TMEM63A: variants seen among roughly 807,000 people sequenced by gnomAD.
The protein encoded by TMEM63A is transmembrane protein 63A, also known as mechanosensitive cation channel TMEM63A.
A neutral mutation model predicts 100.6 loss-of-function variants in TMEM63A; 76 were observed. The ratio of observed to expected loss-of-function variants is 0.76; its 90% confidence interval spans 0.63 to 0.91. The LOEUF (loss-of-function observed/expected upper bound fraction) is 0.91, where lower values mean the gene tolerates loss of function less well. Ranked by LOEUF, TMEM63A falls within the 40% of genes least tolerant of loss-of-function variation. TMEM63A has a pLI of 0.00. For synonymous variants in TMEM63A, 401 were observed against 401.1 expected (o/e 1.00, Z 0.00); for missense variants, 876 against 1,008.8 (o/e 0.87, Z 1.78).
intron 20 of TMEM63A, among the ~76,000 whole-genome samples, chr1:225,851,691 A>G (rs1265724524): frequency 6.6e-6 from 1 of 152,202 alleles, no homozygotes; most frequent in Non-Finnish European, 1.5e-5. Context: ...TTAAAAAATA[A>G]ATTTTGTTTT....
At chr1:225,844,390 A>G (rs146663878), downstream of TMEM63A, 4,307 of 1,562,574 alleles carry the variant, frequency 2.8e-3, 12 homozygotes, top group Middle Eastern at 5.9e-3. Context: ...AGGTCTGAGG[A>G]GGGAAGCCGC....
intron 21 of TMEM63A, among the ~76,000 whole-genome samples, chr1:225,849,413 TCTC>T (rs1453683175): frequency 6.6e-6 from 1 of 152,038 alleles, no homozygotes. Context: ...GTCAGTTTTC[TCTC>T]CTCCACGTCC....
intron 22 of TMEM63A, 84 bp from the exon 23 acceptor site, chr1:225,848,638 A>G (rs1669151531): frequency 2.1e-6 from 3 of 1,405,380 alleles, no homozygotes; most frequent in African/African-American, 2.8e-5. Context: ...GACTATTAAC[A>G]CCCGGAATAA....
intron 1 of TMEM63A, among the ~76,000 whole-genome samples, chr1:225,880,024 G>A (rs1262690898): frequency 2.0e-5 from 3 of 152,066 alleles, no homozygotes; most frequent in Non-Finnish European, 2.9e-5. Flanking sequence ...AAACACCTGC[G>A]GCTCCTCTTC....
At chr1:225,854,987 C>A (rs1417616772) in intron 18 of TMEM63A, among the ~76,000 whole-genome samples, 1 of 152,220 alleles carries the variant, frequency 6.6e-6, no homozygotes, top group Non-Finnish European at 1.5e-5. Context: ...GAGGATTGAG[C>A]TGGTCACTGG....
chr1:225,862,085 G>A lies in TMEM63A; in HGVS notation c.1085+133C>T. The A allele has an allele frequency of 5.2e-6, 7 of 1,350,490 alleles. No homozygotes were observed. The highest frequency in any genetic ancestry group is 1.4e-5 in the South Asian group (1 of 71,240). The allele number at this position is 1,350,490 out of a possible 1,614,324, so 83.7% of individuals were successfully genotyped here. A position where few individuals can be genotyped will look rare whatever the true frequency, so the allele number is the denominator to read the frequency against. ...AAGTGAGTGTGGGTAGCTGAGGGAG[G>A]AGAAGGAAACACCACAGATAAATCC... On this transcript the variant is annotated intron_variant, in intron 13 of 24. Coordinates refer to ENST00000366835, the MANE Select transcript of TMEM63A (RefSeq NM_014698.3). The surrounding 1 kb of genome is among the most constrained non-coding windows in gnomAD (Gnocchi z 5.1).
chr1:225,866,731 C>G (rs2102629686), intron 8 of TMEM63A, 49 bp from the exon 9 acceptor site: 1 of 1,574,446 alleles, frequency 6.4e-7, no homozygotes, highest in Non-Finnish European at 8.7e-7. Flanking sequence ...AGGCAGGGAG[C>G]TGGGGGTGCA....
rs142776653 is a variant in TMEM63A at position 225,860,529 on chromosome 1, T to C, written c.1223+331A>G. 84 of 208,598 alleles carry C rather than the reference T, an allele frequency of 4.0e-4. 2 individuals carry two copies. Among genetic ancestry groups the C allele is most frequent in the African/African-American group, 1.8e-3 (79 of 43,816 alleles). 12.9% of individuals were successfully genotyped at this position (208,598 alleles called of 1,614,324 possible). ...TTGCATGTTGAAATAACAGTTTGGA[T>C]ATATTGGGCGAGATACATTATTAAA... On this transcript the variant is annotated intron_variant, in intron 14 of 24. Coordinates refer to ENST00000366835, the MANE Select transcript of TMEM63A (RefSeq NM_014698.3).
intron 15 of TMEM63A, among the ~76,000 whole-genome samples, chr1:225,858,914 T>C (rs1669782533): frequency 6.6e-6 from 1 of 151,958 alleles, no homozygotes; most frequent in African/African-American, 2.4e-5. Context: ...TATTAAAATA[T>C]ATATGTATGC....
intron 17 of TMEM63A, 148 bp from the exon 18 acceptor site, chr1:225,856,088 G>T (rs904818980): frequency 1.3e-6 from 1 of 762,248 alleles, no homozygotes; most frequent in African/African-American, 1.8e-5. Flanking sequence ...GGCATGACCT[G>T]TCACAGTCTG....
At chr1:225,845,501 C>A, downstream of TMEM63A, 1 of 698,518 alleles carries the variant, frequency 1.4e-6, no homozygotes, top group South Asian at 1.8e-5. Context: ...AAGCTCACTC[C>A]CCAACCCCCA....
chr1:225,874,477 G>GAAAACACCCAGGCCCAGAGAGGGCACT, intron 3 of TMEM63A, 110 bp from the exon 4 acceptor site: 1 of 893,372 alleles, frequency 1.1e-6, no homozygotes. Flanking sequence ...GGGCTAGAAG[G>GAAAACACCCAGGCCCAGAGAGGGCACT]AAAACACCCA....
intron 2 of TMEM63A, among the ~76,000 whole-genome samples, chr1:225,877,945 C>G (rs866977617): frequency 6.6e-6 from 1 of 152,130 alleles, no homozygotes; most frequent in African/African-American, 2.4e-5. Context: ...CTCGAGGACT[C>G]GTGTTGGGAA....
chr1:225,865,659 T>C lies in TMEM63A; in HGVS notation c.746+238A>G. 1.9e-6 allele frequency: 1 copy of C among 535,592 alleles called. No homozygotes were observed. Among genetic ancestry groups the C allele is most frequent in the Non-Finnish European group, 3.4e-6 (1 of 294,582 alleles). 33.2% of individuals were successfully genotyped at this position (535,592 alleles called of 1,614,324 possible). ...ACCCTGGTCTGTGCTCTGGACACTG[T>C]GCACAGGCTGCTTGAAGAGGATAGG... On this transcript the variant is annotated intron_variant, in intron 10 of 24. Coordinates refer to ENST00000366835, the MANE Select transcript of TMEM63A (RefSeq NM_014698.3). The surrounding 1 kb of genome is among the most constrained non-coding windows in gnomAD (Gnocchi z 4.6).
downstream of TMEM63A, chr1:225,842,232 G>C: frequency 1.4e-6 from 1 of 734,290 alleles, no homozygotes; most frequent in Admixed American, 2.0e-5. Flanking sequence ...CAGGAGTTAA[G>C]GCAGGCCTGT....
Position 225,860,877 on chromosome 1 carries a change from G to T in TMEM63A, c.1206C>A (p.Asp402Glu), listed in dbSNP as rs911881094. The change falls in exon 14 of 25, where the codon GAC becomes GAA. Residue 402 changes from aspartate to glutamate, a missense_variant. Transcript: ENST00000366835. ...GAGCTTACCAGCAGATGTCCTCAGG[G>T]TCAGCAGCAAAGGTGACTGTCCACT... ...TSKWTVTFAADPEDICWKNLS... is the reference protein window; with the variant it reads ...TSKWTVTFAAEPEDICWKNLS... The T allele has an allele frequency of 1.9e-6, 3 of 1,610,318 alleles. No homozygotes were observed. Among genetic ancestry groups the T allele is most frequent in the African/African-American group, 2.7e-5 (2 of 74,716 alleles).
chr1:225,853,361 TTGTA>T lies in TMEM63A; in HGVS notation c.1797+264_1797+267del, dbSNP rs1669448650. On this transcript the variant is annotated intron_variant, in intron 19 of 24. Transcript: ENST00000366835. The surrounding 1 kb of genome is among the most constrained non-coding windows in gnomAD (Gnocchi z 4.0). ...CAGAAAAAGAGTCTGTTGGTTTGAGTTGTATGTATGTATGTGTGCGATCAAACCG... is the reference window on the plus strand; with the variant it reads ...CAGAAAAAGAGTCTGTTGGTTTGAGTTGTATGTATGTGTGCGATCAAACCG... 6.6e-6 allele frequency among the ~76,000 whole-genome samples: 1 copy of T among 151,988 alleles called. No homozygotes were observed. Among genetic ancestry groups the T allele is most frequent in the South Asian group, 2.1e-4 (1 of 4,820 alleles).
In TMEM63A at chr1:225,877,589, T is replaced by C. The variant is rs753663159; in HGVS notation, c.-9A>G. The C allele has an allele frequency of 6.2e-7, 1 of 1,611,390 alleles. No individual in the cohort carries two copies. The highest frequency in any genetic ancestry group is 1.3e-5 in the African/African-American group (1 of 75,012). On this transcript the variant is annotated 5_prime_UTR_variant, in exon 3 of 25. Coordinates refer to ENST00000366835, the MANE Select transcript of TMEM63A (RefSeq NM_014698.3). The stretch of plus-strand genomic sequence containing the variant: ...AACGGGGAGTCCATCATCGCGCCTG[T>C]CTTCCCTGGAGCACAGGACAACAGG...
intron 17 of TMEM63A, among the ~76,000 whole-genome samples, 173 bp downstream of exon 17, chr1:225,856,479 A>C (rs1019228976): frequency 6.6e-6 from 1 of 151,974 alleles, no homozygotes; most frequent in Non-Finnish European, 1.5e-5. Context: ...ACAATCAATC[A>C]TATTGCCAGA....
Sources: gnomAD v4.1 joint callset for allele counts (sites outside exome capture counted in the v4.1 genomes callset) on GRCh38, gnomAD v4.1.1 for gene constraint, Gnocchi (gnomAD v3.1) non-coding constraint, MANE v1.5 for transcripts, NCBI Gene and HGNC (gene_info 2026-07-23, HGNC 2026-07-21) for gene names.